DUSP16: variants seen among roughly 807,000 people sequenced by gnomAD.
The protein encoded by DUSP16 is dual specificity protein phosphatase 16.
In DUSP16, 21 loss-of-function variants were observed where a neutral mutation model predicts 58.3. The observed-to-expected ratio is 0.36, with a 90% CI of 0.26 to 0.52. The LOEUF is 0.52. DUSP16 is among the 20% of genes least tolerant of loss of function. The pLI, the probability that DUSP16 is intolerant of heterozygous loss-of-function variation, is 0.94. For missense variants in DUSP16, 726 were observed against 819.0 expected (o/e 0.89, Z 1.39); for synonymous variants, 320 against 323.8 (o/e 0.99, Z 0.12).
At chr12:12,513,974 T>G (rs991562320) in intron 3 of DUSP16, among the ~76,000 whole-genome samples, 2 of 152,220 alleles carry the variant, frequency 1.3e-5, no homozygotes, top group African/African-American at 2.4e-5. Flanking sequence ...TTCTGCAGGT[T>G]GTTGAAAACA....
intron 1 of DUSP16, among the ~76,000 whole-genome samples, chr12:12,540,562 T>C (rs1944536537): frequency 6.6e-6 from 1 of 152,188 alleles, no homozygotes; most frequent in East Asian, 1.9e-4. Context: ...GAGGATACAA[T>C]TTTAAAGCAA....
intron 1 of DUSP16, among the ~76,000 whole-genome samples, chr12:12,539,958 A>G (rs1041338668): frequency 2.6e-5 from 4 of 151,920 alleles, no homozygotes; most frequent in African/African-American, 9.7e-5. Flanking sequence ...GGGAGGCTGA[A>G]GCAGGAGAAT....
At chr12:12,524,936 A>C (rs2136235749) in intron 1 of DUSP16, among the ~76,000 whole-genome samples, 1 of 152,334 alleles carries the variant, frequency 6.6e-6, no homozygotes, top group African/African-American at 2.4e-5. Context: ...ATAAAAAAAA[A>C]CTAAATATAT....
intron 1 of DUSP16, among the ~76,000 whole-genome samples, chr12:12,552,193 C>A (rs1286113985): frequency 1.3e-5 from 2 of 152,010 alleles, no homozygotes; most frequent in South Asian, 4.2e-4. Flanking sequence ...CGCCTGTAAT[C>A]CCAGAAATTT....
Position 12,475,139 on chromosome 12 carries a change from C to T in DUSP16, c.*1694G>A, listed in dbSNP as rs1943400444. 6.6e-6 allele frequency: 1 copy of T among 152,118 alleles called. No homozygotes were observed. The highest frequency in any genetic ancestry group is 2.1e-4 in the South Asian group (1 of 4,824). 9.4% of individuals were successfully genotyped at this position (152,118 alleles called of 1,614,324 possible). On this transcript the variant is annotated 3_prime_UTR_variant, in exon 7 of 7. Coordinates refer to ENST00000298573, the MANE Select transcript of DUSP16 (RefSeq NM_030640.3). ...AGTCACATCCTGGTCAAAAAACTGT[C>T]CATTTCTCAAAAACAGAGAAAAACC...
intron 5 of DUSP16, 147 bp from the exon 6 acceptor site, chr12:12,480,493 CTTTT>C: frequency 1.1e-6 from 1 of 944,664 alleles, no homozygotes; most frequent in Non-Finnish European, 1.5e-6. Context: ...TCGCAATATT[CTTTT>C]GAGGAGGCAG....
At chr12:12,504,261 T>C (rs11054941) in intron 3 of DUSP16, among the ~76,000 whole-genome samples, 69,479 of 151,972 alleles carry the variant, frequency 0.46, 16,404 homozygotes, top group East Asian at 0.7. Flanking sequence ...ACATGTAGTT[T>C]TGGTGTTTCT....
chr12:12,510,673 A>AC (rs1327081548), intron 3 of DUSP16, among the ~76,000 whole-genome samples: 1 of 152,238 alleles, frequency 6.6e-6, no homozygotes, highest in Non-Finnish European at 1.5e-5. Flanking sequence ...TCTGGAGTTG[A>AC]CAGTTTTATG....
intron 3 of DUSP16, among the ~76,000 whole-genome samples, chr12:12,515,799 A>G (rs1944141673): frequency 6.6e-6 from 1 of 151,712 alleles, no homozygotes; most frequent in Non-Finnish European, 1.5e-5. Context: ...TTTTTGAGAC[A>G]GAGTCTCACT....
chr12:12,474,202 G>A lies in DUSP16; in HGVS notation c.*2631C>T, dbSNP rs1241446737. 1 of 152,192 alleles carries A rather than the reference G, an allele frequency of 6.6e-6. No homozygotes were observed. Among genetic ancestry groups the A allele is most frequent in the Non-Finnish European group, 1.5e-5 (1 of 68,044 alleles). The allele number at this position is 152,192 out of a possible 1,614,324, so 9.4% of individuals were successfully genotyped here. On this transcript the variant is annotated 3_prime_UTR_variant, in exon 7 of 7. Coordinates refer to ENST00000298573, the MANE Select transcript of DUSP16 (RefSeq NM_030640.3). ...TTCCCACCGAGTTTATGGCTGCAAA[G>A]ATAGGTCTTTTCTCGTATTTATGTA... is the stretch of plus-strand genomic sequence containing the variant.
chr12:12,500,360 C>T (rs1943890793), intron 4 of DUSP16, among the ~76,000 whole-genome samples, 159 bp downstream of exon 4: 1 of 152,126 alleles, frequency 6.6e-6, no homozygotes. Flanking sequence ...AACAAATTAA[C>T]ACTCCAAGAG....
intron 1 of DUSP16, among the ~76,000 whole-genome samples, chr12:12,548,630 C>CA (rs898316799): frequency 0.01 from 634 of 62,868 alleles, 14 homozygotes; most frequent in South Asian, 0.032. Flanking sequence ...GACTCTGTCT[C>CA]AAAAAAAAAA....
intron 3 of DUSP16, among the ~76,000 whole-genome samples, chr12:12,514,264 C>T (rs895526069): frequency 7.2e-5 from 11 of 152,184 alleles, no homozygotes; most frequent in Non-Finnish European, 1.5e-4. Context: ...GCTTTGACCC[C>T]TAGTCCATTG....
At chr12:12,486,896 G>A (rs1285934789) in intron 5 of DUSP16, 132 bp downstream of exon 5, 7 of 1,026,608 alleles carry the variant, frequency 6.8e-6, no homozygotes, top group Admixed American at 2.1e-5. Context: ...GCTGCACCAC[G>A]TGCTGTTTTC....
chr12:12,514,801 T>G (rs1312417631), intron 3 of DUSP16, among the ~76,000 whole-genome samples: 1 of 152,036 alleles, frequency 6.6e-6, no homozygotes, highest in Admixed American at 6.6e-5. Context: ...GGACTATAGG[T>G]ATGATACCAC....
intron 1 of DUSP16, among the ~76,000 whole-genome samples, chr12:12,527,624 TTATTTA>T: frequency 6.6e-6 from 1 of 152,198 alleles, no homozygotes; most frequent in East Asian, 1.9e-4. Flanking sequence ...ATATGTACTT[TTATTTA>T]TAAAAGTATA....
intron 1 of DUSP16, among the ~76,000 whole-genome samples, chr12:12,525,274 CT>C (rs1292993921): frequency 1.9e-3 from 269 of 144,680 alleles, no homozygotes; most frequent in East Asian, 6.8e-3. Flanking sequence ...TGTAGAAATT[CT>C]TTTTTTTTTT....
At chr12:12,509,124 C>A (rs1159850408) in intron 3 of DUSP16, among the ~76,000 whole-genome samples, 1 of 152,164 alleles carries the variant, frequency 6.6e-6, no homozygotes, top group Non-Finnish European at 1.5e-5. Flanking sequence ...CTAAAGACTG[C>A]AACCAGAATA....
At chr12:12,497,152 A>G (rs1943839613) in intron 4 of DUSP16, among the ~76,000 whole-genome samples, 1 of 152,264 alleles carries the variant, frequency 6.6e-6, no homozygotes, top group African/African-American at 2.4e-5. Flanking sequence ...TTGAAATACT[A>G]TTTTAGATAT....
Sources: allele counts gnomAD v4.1 joint callset (sites outside exome capture counted in the v4.1 genomes callset), GRCh38; gene constraint gnomAD v4.1.1; transcripts MANE v1.5; gene names NCBI Gene and HGNC (gene_info 2026-07-23, HGNC 2026-07-21).